Variants in MEGF9 observed in about 807,000 individuals in gnomAD.
MEGF9 encodes multiple epidermal growth factor-like domains protein 9.
A neutral mutation model predicts 46.8 loss-of-function variants in MEGF9; 6 were observed. The ratio of observed to expected loss-of-function variants is 0.13; its 90% CI spans 0.07 to 0.25. MEGF9 has a LOEUF of 0.25. MEGF9 is among the 10% of genes least tolerant of loss of function. The pLI is 1.00. For missense variants in MEGF9, 683 were observed against 792.4 expected, an observed-to-expected ratio of 0.86 and a Z score of 1.66; for synonymous variants, 302 against 330.7, an observed-to-expected ratio of 0.91 and a Z score of 0.94.
intron 4 of MEGF9, among the ~76,000 whole-genome samples, chr9:120,611,866 A>G (rs1302940745): frequency 5.6e-4 from 15 of 26,896 alleles, no homozygotes; most frequent in Admixed American, 1.1e-3. Flanking sequence ...GAAGGAAGAA[A>G]GAGAGAGAGA....
intron 2 of MEGF9, among the ~76,000 whole-genome samples, chr9:120,657,867 A>G (rs2043684617): frequency 6.6e-6 from 1 of 152,214 alleles, no homozygotes; most frequent in Admixed American, 6.5e-5. Context: ...GTGACCTAGT[A>G]ACCTATATAT....
At chr9:120,634,838 T>C (rs886648155) in intron 2 of MEGF9, among the ~76,000 whole-genome samples, 1 of 152,216 alleles carries the variant, frequency 6.6e-6, no homozygotes, top group Non-Finnish European at 1.5e-5. Context: ...TCATTGATGT[T>C]TGGTGGTTTT....
intron 1 of MEGF9, among the ~76,000 whole-genome samples, chr9:120,666,257 A>G (rs982428338): frequency 6.6e-6 from 1 of 152,234 alleles, no homozygotes; most frequent in Non-Finnish European, 1.5e-5. Flanking sequence ...TCCTAAATTT[A>G]TAATATTTAT....
intron 1 of MEGF9, among the ~76,000 whole-genome samples, chr9:120,664,994 T>C (rs1431488142): frequency 1.3e-5 from 2 of 152,224 alleles, no homozygotes; most frequent in African/African-American, 2.4e-5. Flanking sequence ...ACCTCAAACA[T>C]TGATCATTTC....
chr9:120,711,373 A>C (rs528265918), intron 1 of MEGF9, among the ~76,000 whole-genome samples: 1 of 152,354 alleles, frequency 6.6e-6, no homozygotes, highest in South Asian at 2.1e-4. Flanking sequence ...AGTGAATACC[A>C]CAAGTTGCAA....
intron 3 of MEGF9, among the ~76,000 whole-genome samples, chr9:120,621,707 A>G (rs1160086594): frequency 1.3e-5 from 2 of 151,854 alleles, no homozygotes; most frequent in Non-Finnish European, 2.9e-5. Context: ...CTGTCTTTGC[A>G]TTGTCCAGTA....
chr9:120,674,676 C>T (rs552301488), intron 1 of MEGF9, among the ~76,000 whole-genome samples: 3 of 151,416 alleles, frequency 2.0e-5, no homozygotes, highest in Admixed American at 6.6e-5. Context: ...TCAAGGGACT[C>T]TCCTGCCTCA....
chr9:120,620,759 A>G (rs1406898951), intron 3 of MEGF9, among the ~76,000 whole-genome samples: 2 of 152,176 alleles, frequency 1.3e-5, no homozygotes, highest in Non-Finnish European at 2.9e-5. Context: ...GCCTTGTTTT[A>G]GAAATAAAAG....
At chr9:120,644,659 T>C (rs529618657) in intron 2 of MEGF9, among the ~76,000 whole-genome samples, 14 of 152,292 alleles carry the variant, frequency 9.2e-5, no homozygotes, top group East Asian at 5.8e-4. Context: ...ATCTGTAAAA[T>C]AGAATATATC....
intron 3 of MEGF9, among the ~76,000 whole-genome samples, chr9:120,616,630 G>C (rs992838479): frequency 7.3e-6 from 1 of 136,872 alleles, no homozygotes; most frequent in Non-Finnish European, 1.5e-5. Context: ...AGTGAGCCCA[G>C]ATCAGCCACT....
At chr9:120,675,003 C>T (rs1290788322) in intron 1 of MEGF9, among the ~76,000 whole-genome samples, 1 of 151,990 alleles carries the variant, frequency 6.6e-6, no homozygotes, top group Non-Finnish European at 1.5e-5. Flanking sequence ...CTCAGCTTCC[C>T]GAGTAGCTGG....
chr9:120,629,895 T>C (rs935200540), intron 2 of MEGF9, among the ~76,000 whole-genome samples: 1 of 151,226 alleles, frequency 6.6e-6, no homozygotes, highest in African/African-American at 2.4e-5. Context: ...ATCGCATCAC[T>C]GCACTCCAGC....
chr9:120,637,511 A>T (rs900787383), intron 2 of MEGF9, among the ~76,000 whole-genome samples: 20 of 151,576 alleles, frequency 1.3e-4, no homozygotes, highest in African/African-American at 4.9e-4. Context: ...ATGGTGCTCC[A>T]GGCCGGGCGT....
chr9:120,693,275 C>CAAAAAAAAAAAAAA (rs10633158), intron 1 of MEGF9, among the ~76,000 whole-genome samples: 5 of 104,388 alleles, frequency 4.8e-5, no homozygotes, highest in Non-Finnish European at 7.4e-5. Flanking sequence ...TCTGGTTAAC[C>CAAAAAAAAAAAAAA]AAAAAAAAAA....
chr9:120,702,018 A>G (rs1051353506), intron 1 of MEGF9, among the ~76,000 whole-genome samples: 3 of 151,970 alleles, frequency 2.0e-5, no homozygotes, highest in East Asian at 1.9e-4. Flanking sequence ...TCTCCAGCCT[A>G]GGCGACAGAG....
intron 1 of MEGF9, among the ~76,000 whole-genome samples, chr9:120,661,350 C>G (rs901100219): frequency 2.6e-5 from 4 of 151,986 alleles, no homozygotes; most frequent in South Asian, 2.1e-4. Context: ...CACGTCTCTA[C>G]CAAAAAAAAT....
chr9:120,682,165 A>G (rs1418239494), intron 1 of MEGF9, among the ~76,000 whole-genome samples: 1 of 152,226 alleles, frequency 6.6e-6, no homozygotes, highest in Non-Finnish European at 1.5e-5. Flanking sequence ...TTAAAAACTA[A>G]AAGGGATCAT....
intron 3 of MEGF9, among the ~76,000 whole-genome samples, chr9:120,616,150 C>T (rs80343421): frequency 0.037 from 5,569 of 150,410 alleles, 323 homozygotes; most frequent in African/African-American, 0.13. Flanking sequence ...TTTTTTATTA[C>T]CTTGATTTTT....
In MEGF9 at chr9:120,604,971, T is replaced by C; in HGVS notation, c.*219A>G. The C allele has an allele frequency of 1.7e-6, 1 of 571,960 alleles. No homozygotes were observed. The highest frequency in any genetic ancestry group is 3.1e-6 in the Non-Finnish European group (1 of 327,418). The allele number at this position is 571,960 out of a possible 1,614,324, so 35.4% of individuals were successfully genotyped here. A position where few individuals can be genotyped will look rare whatever the true frequency, so the allele number is the denominator to read the frequency against. On this transcript the variant is annotated 3_prime_UTR_variant, in exon 6 of 6. Coordinates refer to ENST00000373930, the MANE Select transcript of MEGF9 (RefSeq NM_001080497.3). ...CATGTGGTTTGGTACAAAAATATACTTTACTTCAAGTCCTAATGACAGTGA... is the reference window on the plus strand; with the variant it reads ...CATGTGGTTTGGTACAAAAATATACCTTACTTCAAGTCCTAATGACAGTGA...
Sources: gnomAD v4.1 joint callset for allele counts (sites outside exome capture counted in the v4.1 genomes callset) on GRCh38, gnomAD v4.1.1 for gene constraint, MANE v1.5 for transcripts, NCBI Gene and HGNC (gene_info 2026-07-23, HGNC 2026-07-21) for gene names.